Variants in PHLPP2 observed in about 807,000 individuals in gnomAD.
PHLPP2 encodes the protein PH domain leucine-rich repeat-containing protein phosphatase 2.
A neutral mutation model predicts 124.9 loss-of-function variants in PHLPP2; 66 were observed. The observed-to-expected ratio is 0.53, with a 90% confidence interval of 0.43 to 0.65. PHLPP2 has a LOEUF of 0.65. PHLPP2 is among the 30% of genes least tolerant of loss of function. The probability of loss-of-function intolerance (pLI) is 0.00; values close to 1 mark genes in which losing one functional copy is unlikely to be tolerated. For missense variants in PHLPP2, 1,685 were observed against 1,600.4 expected (o/e 1.05, Z -0.90); for synonymous variants, 681 against 624.7 (o/e 1.09, Z -1.34).
intron 7 of PHLPP2, 139 bp from the exon 8 acceptor site, chr16:71,679,124 G>A (rs1309839360): frequency 6.3e-6 from 4 of 631,624 alleles, no homozygotes; most frequent in Non-Finnish European, 1.1e-5. Flanking sequence ...CTCCATCTAT[G>A]CAGACTTAAT....
intron 17 of PHLPP2, among the ~76,000 whole-genome samples, chr16:71,654,100 CAGG>C (rs1421337073): frequency 1.3e-5 from 2 of 148,224 alleles, no homozygotes; most frequent in South Asian, 2.2e-4. Flanking sequence ...GAGGCTGAGG[CAGG>C]AGAATGGCGT....
At position 71,679,478 on chromosome 16, in the gene PHLPP2, T is replaced by C. The variant is rs1183435282; in HGVS notation, c.948A>G (p.Ile316Met). ...TCAGGGTAGAGATCTCGCATAACAA[T>C]ATAGGAAACAACCCAAGTTTATTAT... ...LSHNKLGLFP[I>M]LLCEISTLTE... is the part of the protein sequence containing the mutation. Residue 316 changes from isoleucine (I) to methionine (M), a missense_variant, in exon 7 of 19, where the codon ATA (isoleucine) becomes ATG (methionine). Coordinates refer to ENST00000568954, the MANE Select transcript of PHLPP2 (RefSeq NM_015020.3). 6.2e-7 allele frequency: 1 copy of C among 1,613,636 alleles called. No homozygotes were observed. The highest frequency in any genetic ancestry group is 8.5e-7 in the Non-Finnish European group (1 of 1,179,642).
At chr16:71,695,638 G>A (rs976183345) in intron 3 of PHLPP2, among the ~76,000 whole-genome samples, 2 of 151,832 alleles carry the variant, frequency 1.3e-5, no homozygotes, top group East Asian at 1.9e-4. Context: ...TGAACCTGGG[G>A]GGTGGAGGTT....
chr16:71,692,050 G>A (rs939669637), intron 3 of PHLPP2, among the ~76,000 whole-genome samples: 1 of 152,012 alleles, frequency 6.6e-6, no homozygotes, highest in Non-Finnish European at 1.5e-5. Context: ...GAAAGACTGG[G>A]TTGTACTCCT....
At chr16:71,654,174 G>T (rs995753118) in intron 17 of PHLPP2, among the ~76,000 whole-genome samples, 2 of 122,606 alleles carry the variant, frequency 1.6e-5, no homozygotes, top group South Asian at 6.1e-4. Context: ...CAGCCTGGGG[G>T]ACAGAGCAAG....
Position 71,690,697 on chromosome 16 carries a change from T to C in PHLPP2, c.431A>G (p.His144Arg), listed in dbSNP as rs373822041. 3 of 1,608,964 alleles carry C rather than the reference T, an allele frequency of 1.9e-6. No individual in the cohort carries two copies. The highest frequency in any genetic ancestry group is 1.3e-5 in the African/African-American group (1 of 74,718). ...TAGGATTCGATCCAAACGATCCATG[T>C]GGCATGGTTTTTCTGAAAAGGAAAT... ...MIRFYGEKPCHMDRLDRILLS... is the reference protein window; with the variant it reads ...MIRFYGEKPCRMDRLDRILLS... Residue 144 changes from histidine to arginine, a missense_variant, in exon 4 of 19, where the codon CAC becomes CGC. His to Arg is a conservative substitution (Grantham distance 29). Transcript: ENST00000568954.
chr16:71,654,657 C>T (rs1020400078), intron 17 of PHLPP2, among the ~76,000 whole-genome samples: 6 of 152,184 alleles, frequency 3.9e-5, no homozygotes, highest in Non-Finnish European at 8.8e-5. Context: ...CTAGGTGAAG[C>T]CATGATGTTC....
At chr16:71,679,629 A>G in intron 6 of PHLPP2, 94 bp from the exon 7 acceptor site, 1 of 990,672 alleles carries the variant, frequency 1.0e-6, no homozygotes, top group Non-Finnish European at 1.5e-6. Context: ...ATCTATTTTA[A>G]ATGTCTATAA....
At position 71,658,714 on chromosome 16, in the gene PHLPP2, A is replaced by G; in HGVS notation, c.2087T>C (p.Leu696Pro). The G allele has an allele frequency of 6.2e-7, 1 of 1,614,166 alleles. No individual in the cohort carries two copies. The highest frequency in any genetic ancestry group is 8.5e-7 in the Non-Finnish European group (1 of 1,180,014). The change falls in exon 14 of 19, where the codon CTT (leucine) becomes CCT (proline). Residue 696 changes from leucine to proline, a missense_variant. Leu to Pro is a moderately conservative substitution (Grantham distance 98). Transcript: ENST00000568954. ...GCTGATGTTGTTGGAGTGTGCAACA[A>G]GGGTGTGCAGCCTTTTACAGTTTGC... ...TIANCKRLHT[L>P]VAHSNNISIF...
In PHLPP2 at chr16:71,668,264, A is replaced by T. The variant is rs193260323; in HGVS notation, c.1629-931T>A. Among the ~76,000 whole-genome samples, 379 of 151,568 alleles carry T rather than the reference A, an allele frequency of 2.5e-3. 3 individuals carry two copies. Among genetic ancestry groups the T allele is most frequent in the Non-Finnish European group, 9.7e-4 (66 of 67,914 alleles). On this transcript the variant is annotated intron_variant, in intron 11 of 18. Transcript: ENST00000568954. Reference sequence around the variant, plus strand: ...GTTCTCTACTAAAAATACAAAAAAAAATTTAGCCGGGCGTGGCAGCATGTG... The same window carrying T: ...GTTCTCTACTAAAAATACAAAAAAATATTTAGCCGGGCGTGGCAGCATGTG...
At chr16:71,703,723 C>A (rs548987948) in intron 2 of PHLPP2, among the ~76,000 whole-genome samples, 6 of 152,130 alleles carry the variant, frequency 3.9e-5, no homozygotes, top group Non-Finnish European at 8.8e-5. Context: ...TGTTTTAAAT[C>A]CTCATCAGTA....
At position 71,669,306 on chromosome 16, in the gene PHLPP2, T is replaced by G. The variant is rs140293355; in HGVS notation, c.1597A>C (p.Ser533Arg). The G allele has an allele frequency of 2.2e-4, 347 of 1,612,228 alleles. No individual in the cohort carries two copies. The African/African-American group carries it at 3.6e-3, about 17-fold the overall frequency. The change falls in exon 11 of 19, where the codon AGC (serine) becomes CGC (arginine). Residue 533 changes from serine to arginine, a missense_variant. Coordinates refer to ENST00000568954, the MANE Select transcript of PHLPP2 (RefSeq NM_015020.3). ...GGAACCTCTGTGAGAAGATTATAGCTCACATCTAATACTTCTATCTTCTTT... is the reference window on the plus strand; with the variant it reads ...GGAACCTCTGTGAGAAGATTATAGCGCACATCTAATACTTCTATCTTCTTT... ...EAKKIEVLDV[S>R]YNLLTEVPVR...
intron 8 of PHLPP2, chr16:71,677,779 A>G (rs1211446465): frequency 6.6e-6 from 1 of 152,150 alleles, no homozygotes; most frequent in East Asian, 1.9e-4. Flanking sequence ...GTTCTTAGTA[A>G]TGAAACCCTT....
At chr16:71,690,019 T>C (rs984618900) in intron 4 of PHLPP2, among the ~76,000 whole-genome samples, 12 of 152,332 alleles carry the variant, frequency 7.9e-5, no homozygotes, top group Admixed American at 7.2e-4. Context: ...TATCTGTTTA[T>C]GGTCATTTGT....
intron 8 of PHLPP2, 177 bp from the exon 9 acceptor site, chr16:71,676,826 G>C (rs1344801133): frequency 1.7e-6 from 1 of 572,508 alleles, no homozygotes; most frequent in African/African-American, 1.9e-5. Flanking sequence ...TCGGTTCACT[G>C]CAACCTCTGC....
rs149138081 is a variant in PHLPP2, at chr16:71,683,391, C to A, written c.735+1085G>T. Among the ~76,000 whole-genome samples, 358 of 152,298 alleles carry A rather than the reference C, an allele frequency of 2.4e-3. 2 individuals are homozygous for A. Among genetic ancestry groups the A allele is most frequent in the African/African-American group, 8.2e-3 (342 of 41,562 alleles). The stretch of plus-strand genomic sequence containing the variant: ...AATGGTTTGTGGCAGCATTAGAGGT[C>A]ACTGTCCCATCAATAACTGCACATT... On this transcript the variant is annotated intron_variant, in intron 5 of 18. Transcript: ENST00000568954.
chr16:71,646,939 C>A lies in PHLPP2; in HGVS notation c.*1951G>T, dbSNP rs954620321. The A allele has an allele frequency of 6.6e-6, 1 of 152,414 alleles. No homozygotes were observed. The highest frequency in any genetic ancestry group is 1.5e-5 in the Non-Finnish European group (1 of 68,008). 9.4% of individuals were successfully genotyped at this position (152,414 alleles called of 1,614,324 possible). On this transcript the variant is annotated 3_prime_UTR_variant, in exon 19 of 19. Coordinates refer to ENST00000568954, the MANE Select transcript of PHLPP2 (RefSeq NM_015020.3). ...GTACCAAATCCCCCAAGAGTGTATC[C>A]CAATGACACGTGCATATGAGCATGG...
At chr16:71,723,873 A>T in intron 1 of PHLPP2, 1 of 1,157,906 alleles carries the variant, frequency 8.6e-7, no homozygotes, top group Non-Finnish European at 1.1e-6. Flanking sequence ...CCCATCGGCG[A>T]CCCAGGATTC....
chr16:71,720,365 G>T (rs1055044520), intron 1 of PHLPP2, among the ~76,000 whole-genome samples: 11 of 151,768 alleles, frequency 7.2e-5, no homozygotes, highest in Non-Finnish European at 8.8e-5. Context: ...TGATCCACCC[G>T]CCTCGGCCTC....
Sources: gnomAD v4.1 joint callset for allele counts (sites outside exome capture counted in the v4.1 genomes callset) on GRCh38, gnomAD v4.1.1 for gene constraint, MANE v1.5 for transcripts, NCBI Gene and HGNC (gene_info 2026-07-23, HGNC 2026-07-21) for gene names.